Variants in ZMIZ1 observed in about 807,000 individuals in gnomAD.
ZMIZ1 encodes the protein zinc finger MIZ-type containing 1, also known as zinc finger MIZ domain-containing protein 1.
A neutral mutation model predicts 113.9 loss-of-function variants in ZMIZ1; 17 were observed. The observed-to-expected ratio is 0.15, with a 90% CI of 0.10 to 0.22. ZMIZ1 has a LOEUF of 0.22. Among genes scored for constraint, ZMIZ1 ranks in the 10% least tolerant of loss-of-function variants. The probability of loss-of-function intolerance (pLI) is 1.00; values close to 1 mark genes in which losing one functional copy is unlikely to be tolerated. For missense variants in ZMIZ1, 1,059 were observed against 1,477.8 expected (o/e 0.72, Z 4.65); for synonymous variants, 607 against 603.1 (o/e 1.01, Z -0.09).
At chr10:79,257,049 C>T (rs1850955631) in intron 7 of ZMIZ1, among the ~76,000 whole-genome samples, 1 of 152,232 alleles carries the variant, frequency 6.6e-6, no homozygotes, top group African/African-American at 2.4e-5. Flanking sequence ...AGACTGGGGT[C>T]TCACCTTGTC....
intron 7 of ZMIZ1, among the ~76,000 whole-genome samples, chr10:79,223,135 G>A (rs761468709): frequency 7.2e-5 from 11 of 152,188 alleles, no homozygotes; most frequent in Non-Finnish European, 1.5e-4. Context: ...CCGCCTTCCC[G>A]TTACTGGGAG....
intron 3 of ZMIZ1, among the ~76,000 whole-genome samples, chr10:79,153,292 A>G (rs1845778464): frequency 6.6e-6 from 1 of 152,216 alleles, no homozygotes; most frequent in South Asian, 2.1e-4. Context: ...GGGCTGGACT[A>G]TGTCCTCCAT....
At chr10:79,286,496 T>G (rs1487503412) in intron 8 of ZMIZ1, among the ~76,000 whole-genome samples, 3 of 152,244 alleles carry the variant, frequency 2.0e-5, no homozygotes, top group Non-Finnish European at 4.4e-5. Flanking sequence ...GGAGGCAAGC[T>G]AGTCCTGAGA....
chr10:79,195,726 A>G (rs931791863), intron 4 of ZMIZ1, among the ~76,000 whole-genome samples: 3 of 152,188 alleles, frequency 2.0e-5, no homozygotes, highest in Admixed American at 2.0e-4. Context: ...CAAGAAGGTC[A>G]TCTCCTGGGG....
At chr10:79,305,740 T>A in intron 21 of ZMIZ1, 139 bp downstream of exon 21, 1 of 890,012 alleles carries the variant, frequency 1.1e-6, no homozygotes, top group East Asian at 2.6e-5. Flanking sequence ...CACCTCTCTG[T>A]CCCTTACCCT....
intron 4 of ZMIZ1, among the ~76,000 whole-genome samples, chr10:79,201,095 G>A (rs1848060570): frequency 6.6e-6 from 1 of 152,144 alleles, no homozygotes; most frequent in Non-Finnish European, 1.5e-5. Flanking sequence ...ATCACCTGAG[G>A]TCAGGAGTTC....
At chr10:79,129,381 C>T (rs1028011916) in intron 2 of ZMIZ1, among the ~76,000 whole-genome samples, 1 of 152,164 alleles carries the variant, frequency 6.6e-6, no homozygotes, top group Non-Finnish European at 1.5e-5. Flanking sequence ...GGTTGACCAC[C>T]CAAGGCCTGC....
At chr10:79,089,491 A>T (rs921124957) in intron 1 of ZMIZ1, among the ~76,000 whole-genome samples, 5 of 152,202 alleles carry the variant, frequency 3.3e-5, no homozygotes, top group Non-Finnish European at 5.9e-5. Flanking sequence ...TCCTTCCGAC[A>T]GAAGCACTGG....
intron 4 of ZMIZ1, among the ~76,000 whole-genome samples, chr10:79,166,893 G>A (rs900033586): frequency 5.9e-5 from 9 of 152,340 alleles, no homozygotes; most frequent in African/African-American, 2.2e-4. Context: ...TGCCTGCTGC[G>A]TGCCCAGCCA....
At chr10:79,162,992 TG>T (rs1317894087) in intron 4 of ZMIZ1, among the ~76,000 whole-genome samples, 3 of 152,188 alleles carry the variant, frequency 2.0e-5, no homozygotes, top group Non-Finnish European at 4.4e-5. Context: ...CATCATGGGG[TG>T]GCATTTCAGG....
At chr10:79,170,953 T>A (rs1355645230) in intron 4 of ZMIZ1, among the ~76,000 whole-genome samples, 1 of 152,124 alleles carries the variant, frequency 6.6e-6, no homozygotes, top group African/African-American at 2.4e-5. Context: ...GAGAGTGCCA[T>A]CTCAGGACAG....
At chr10:79,151,272 GA>G (rs1188286650) in intron 3 of ZMIZ1, among the ~76,000 whole-genome samples, 3 of 152,244 alleles carry the variant, frequency 2.0e-5, no homozygotes, top group Non-Finnish European at 4.4e-5. Context: ...GGACCTTTCA[GA>G]GCCAGTGTCT....
chr10:79,176,677 G>GTCCTGCCCC (rs1846882521), intron 4 of ZMIZ1, among the ~76,000 whole-genome samples: 1 of 152,218 alleles, frequency 6.6e-6, no homozygotes, highest in Non-Finnish European at 1.5e-5. Flanking sequence ...CAAGGCTTTT[G>GTCCTGCCCC]GAGGTTGCAG....
chr10:79,293,267 G>C, intron 11 of ZMIZ1, 114 bp from the exon 12 acceptor site: 7 of 1,404,784 alleles, frequency 5.0e-6, no homozygotes, highest in Non-Finnish European at 6.7e-6. Flanking sequence ...ACAGGACAGT[G>C]CCCCCTCCCC....
chr10:79,144,979 C>T (rs945706881), intron 3 of ZMIZ1, among the ~76,000 whole-genome samples: 7 of 151,902 alleles, frequency 4.6e-5, no homozygotes, highest in Non-Finnish European at 7.4e-5. Flanking sequence ...CCCACCTCCT[C>T]GCCATCCCTC....
At chr10:79,273,793 C>T (rs1852091167) in intron 7 of ZMIZ1, among the ~76,000 whole-genome samples, 1 of 152,262 alleles carries the variant, frequency 6.6e-6, no homozygotes, top group African/African-American at 2.4e-5. Context: ...ATCTCACTGC[C>T]AATTGCTTAG....
At chr10:79,070,304 G>T (rs892004873) in intron 1 of ZMIZ1, among the ~76,000 whole-genome samples, 7 of 151,818 alleles carry the variant, frequency 4.6e-5, no homozygotes, top group African/African-American at 1.7e-4. Context: ...GGCCGGGCGG[G>T]GATAGGGCGC....
chr10:79,286,736 A>G (rs565055864), intron 8 of ZMIZ1, among the ~76,000 whole-genome samples: 14 of 152,376 alleles, frequency 9.2e-5, no homozygotes, highest in African/African-American at 3.4e-4. Context: ...GTTTCCGCCC[A>G]CAAGGCTCAC....
chr10:79,204,967 T>TGA (rs1848250654), intron 5 of ZMIZ1, among the ~76,000 whole-genome samples: 1 of 120,470 alleles, frequency 8.3e-6, no homozygotes, highest in Non-Finnish European at 1.8e-5. Context: ...AATTGATTCA[T>TGA]TTAGGATGGA....
Sources: allele counts gnomAD v4.1 joint callset (sites outside exome capture counted in the v4.1 genomes callset), GRCh38; gene constraint gnomAD v4.1.1; transcripts MANE v1.5; gene names NCBI Gene and HGNC (gene_info 2026-07-23, HGNC 2026-07-21).